Variants in PES1 observed in about 807,000 individuals in gnomAD.
The protein encoded by PES1 is pescadillo ribosomal biogenesis factor 1, also known as pescadillo homolog.
A neutral mutation model predicts 77.1 loss-of-function variants in PES1; 31 were observed. The ratio of observed to expected loss-of-function variants is 0.40; its 90% confidence interval spans 0.30 to 0.54. The LOEUF (loss-of-function observed/expected upper bound fraction) is 0.54, where lower values mean the gene tolerates loss of function less well. PES1 is among the 20% of genes least tolerant of loss of function. The pLI is 0.45. For missense variants in PES1, 658 were observed against 771.7 expected, an observed-to-expected ratio of 0.85 and a Z score of 1.75; for synonymous variants, 282 against 303.0, an observed-to-expected ratio of 0.93 and a Z score of 0.72.
intron 2 of PES1, among the ~76,000 whole-genome samples, chr22:30,605,066 T>C (rs1410735872): frequency 6.6e-6 from 1 of 152,124 alleles, no homozygotes; most frequent in Non-Finnish European, 1.5e-5. Flanking sequence ...TGATCTCAGC[T>C]CACTGCAACC....
chr22:30,579,399 G>A lies in PES1; in HGVS notation c.1355-96C>T, dbSNP rs181310115. 1,427 of 1,571,142 alleles carry A rather than the reference G, an allele frequency of 9.1e-4. 2 individuals carry two copies. The highest frequency in any genetic ancestry group is 1.1e-3 in the Non-Finnish European group (1,334 of 1,162,952). ...AGGCCCCATCCTCTCTGACCCTGCC[G>A]TCTTTAGCCATGGGCAGTTCAGGGA... On this transcript the variant is annotated intron_variant, in intron 12 of 14. Transcript: ENST00000354694.
chr22:30,603,158 A>T (rs1056915170), intron 2 of PES1, among the ~76,000 whole-genome samples: 4 of 150,430 alleles, frequency 2.7e-5, no homozygotes, highest in Non-Finnish European at 4.4e-5. Flanking sequence ...TGATCCACCC[A>T]CCTCGGCCTC....
chr22:30,592,326 C>G (rs955941020), upstream of PES1: 4 of 990,308 alleles, frequency 4.0e-6, no homozygotes, highest in Non-Finnish European at 4.8e-6. Context: ...AAGCGGTTCC[C>G]GAGGGGCAGG....
In PES1 at chr22:30,577,085, C is replaced by T; in HGVS notation, c.1728G>A (p.Val576=). The part of the protein sequence containing the change: ...AEKRKAHDEA[V]RSEKKAKKAR... ...CCTTCTTGGCCTTCTTCTCAGACCT[C>T]ACCGCCTCATCGTGGGCTTTCCGCT... Residue 576 remains valine, a synonymous_variant, in exon 15 of 15, where the codon GTG becomes GTA. Transcript: ENST00000354694. 6.2e-7 allele frequency: 1 copy of T among 1,614,128 alleles called. No homozygotes were observed. The highest frequency in any genetic ancestry group is 1.1e-5 in the South Asian group (1 of 91,084).
chr22:30,577,135 AG>A lies in PES1; in HGVS notation c.1684-7del, dbSNP rs2086912290. On this transcript the variant is annotated splice_region_variant and splice_polypyrimidine_tract_variant and intron_variant, in intron 14 of 14. Transcript: ENST00000354694. Reference sequence around the variant, plus strand: ...TTCTCCGCCAGCTTGTTGGCCTGTGAGGGGGAAGGCGAAGGTCAGGCTGAGG... The same window carrying A: ...TTCTCCGCCAGCTTGTTGGCCTGTGAGGGGAAGGCGAAGGTCAGGCTGAGG... 1.4e-5 allele frequency: 22 copies of A among 1,612,788 alleles called. No homozygotes were observed. The highest frequency in any genetic ancestry group is 1.9e-5 in the Non-Finnish European group (22 of 1,179,570).
chr22:30,578,730 A>C, intron 14 of PES1, 107 bp downstream of exon 14: 3 of 1,284,008 alleles, frequency 2.3e-6, no homozygotes, highest in Non-Finnish European at 2.2e-6. Context: ...GGAAAAGGCT[A>C]GGAGAGCCTC....
chr22:30,588,783 CG>C (rs1005154786), intron 2 of PES1, among the ~76,000 whole-genome samples: 2 of 148,396 alleles, frequency 1.3e-5, no homozygotes, highest in Non-Finnish European at 3.0e-5. Context: ...ACTCTGTCTC[CG>C]GGGAAAAAAA....
chr22:30,584,175 A>G (rs2087031335), intron 6 of PES1, 190 bp downstream of exon 6: 1 of 607,034 alleles, frequency 1.6e-6, no homozygotes, highest in Admixed American at 2.7e-5. Context: ...AGGTGCTGCC[A>G]TAGGGCTAGC....
intron 4 of PES1, among the ~76,000 whole-genome samples, chr22:30,585,595 G>C (rs919352615): frequency 2.0e-5 from 3 of 151,954 alleles, no homozygotes; most frequent in Non-Finnish European, 2.9e-5. Flanking sequence ...CTGCCTTCCA[G>C]GAAGCTACCT....
Position 30,581,529 on chromosome 22 carries a change from T to G in PES1, c.746A>C (p.Lys249Thr), listed in dbSNP as rs747546479. ...YQLLNLHYPP[K>T]LEGQAQAEAK... ...GAAGGCACTGGGCTGGGGTCCTACC[T>G]TCGGGGGATAGTGGAGGTTGAGCAA... is the stretch of plus-strand genomic sequence containing the variant. The change falls in exon 7 of 15, where the codon AAG becomes ACG. Residue 249 changes from lysine to threonine, a missense_variant and splice_region_variant. Coordinates refer to ENST00000354694, the MANE Select transcript of PES1 (RefSeq NM_014303.4). 3.7e-6 allele frequency: 6 copies of G among 1,613,072 alleles called. No individual in the cohort carries two copies. The Admixed American group carries it at 1.0e-4, about 27-fold the overall frequency.
chr22:30,577,163 A>G lies in PES1; in HGVS notation c.1684-34T>C, dbSNP rs180774445. The G allele has an allele frequency of 1.5e-3, 2,357 of 1,576,040 alleles. 9 individuals carry two copies. In the East Asian group the frequency reaches 0.015, roughly 10 times the overall value. ...GGGAAGGCGAAGGTCAGGCTGAGGT[A>G]TGTGTAGAAGGGAGGGTGGGGGGCA... On this transcript the variant is annotated intron_variant, in intron 14 of 14. Coordinates refer to ENST00000354694, the MANE Select transcript of PES1 (RefSeq NM_014303.4).
chr22:30,602,552 T>C (rs2087373380), intron 2 of PES1, among the ~76,000 whole-genome samples: 1 of 151,902 alleles, frequency 6.6e-6, no homozygotes, highest in African/African-American at 2.4e-5. Context: ...TTTCCTTTTT[T>C]TCTTTTCTTT....
At chr22:30,587,644 A>G (rs772065041) in intron 3 of PES1, among the ~76,000 whole-genome samples, 3 of 152,100 alleles carry the variant, frequency 2.0e-5, no homozygotes, top group Non-Finnish European at 2.9e-5. Flanking sequence ...AGATGTCCCA[A>G]CTCCACACGT....
chr22:30,581,444 A>G (rs2086986343), intron 7 of PES1, 36 bp from the exon 8 acceptor site: 3 of 1,610,086 alleles, frequency 1.9e-6, no homozygotes, highest in African/African-American at 2.7e-5. Flanking sequence ...GGCAGAGGAC[A>G]GCCACAGCCC....
Position 30,597,116 on chromosome 22 carries a change from A to G in PES1, c.-660-4718T>C, listed in dbSNP as rs537684917. Among the ~76,000 whole-genome samples the G allele has an allele frequency of 7.4e-4, 112 of 152,234 alleles. 2 individuals are homozygous for G. Among genetic ancestry groups the G allele is most frequent in the Admixed American group, 7.3e-3 (111 of 15,302 alleles). ...GCCTCCCCGTGGGGCAGGGCTCAGGACCTGCAGCCTGCCATGCCTGAGTCT... is the reference window on the plus strand; with the variant it reads ...GCCTCCCCGTGGGGCAGGGCTCAGGGCCTGCAGCCTGCCATGCCTGAGTCT... On this transcript the variant is annotated intron_variant, in intron 2 of 16. Transcript: ENST00000402281.
At chr22:30,604,040 G>C (rs1342269114) in intron 2 of PES1, 1 of 152,224 alleles carries the variant, frequency 6.6e-6, no homozygotes, top group Non-Finnish European at 1.5e-5. Context: ...ACAGGGCTGT[G>C]TATGAAGGGT....
chr22:30,594,835 G>A (rs112916334), upstream of PES1, among the ~76,000 whole-genome samples: 462 of 152,192 alleles, frequency 3.0e-3, 1 homozygote, highest in African/African-American at 0.011. Context: ...TAATTAGCTG[G>A]TGTGGTAGTG....
intron 12 of PES1, 91 bp from the exon 13 acceptor site, chr22:30,579,394 C>T: frequency 1.3e-6 from 2 of 1,579,270 alleles, no homozygotes; most frequent in East Asian, 2.2e-5. Context: ...CTCTCTGACC[C>T]TGCCGTCTTT....
rs758025847 is a variant in PES1 at position 30,606,905 on chromosome 22, C to T, written c.-814G>A. On this transcript the variant is annotated 5_prime_UTR_variant, in exon 1 of 17. Transcript: ENST00000402281. Reference sequence around the variant, plus strand: ...TGGTAAGGAGTACCGGGTAGGCACCCGGTCCTGCCAATCCACCACTGGAAC... The same window carrying T: ...TGGTAAGGAGTACCGGGTAGGCACCTGGTCCTGCCAATCCACCACTGGAAC... 3.8e-6 allele frequency: 4 copies of T among 1,063,130 alleles called. No homozygotes were observed. The South Asian group carries it at 8.9e-5, about 24-fold the overall frequency. The allele number at this position is 1,063,130 out of a possible 1,614,324, so 65.9% of individuals were successfully genotyped here. A position where few individuals can be genotyped will look rare whatever the true frequency, so the allele number is the denominator to read the frequency against.
Sources: allele counts gnomAD v4.1 joint callset (sites outside exome capture counted in the v4.1 genomes callset), GRCh38; gene constraint gnomAD v4.1.1; transcripts MANE v1.5; gene names NCBI Gene and HGNC (gene_info 2026-07-23, HGNC 2026-07-21).